The following ANO4 variants were observed in gnomAD, a reference collection of about 807,000 sequenced individuals.
ANO4 encodes anoctamin-4.
In ANO4, 69 loss-of-function variants were observed where a neutral mutation model predicts 141.9. That is an observed-to-expected ratio of 0.49 (90% CI 0.40 to 0.59). ANO4 has a LOEUF of 0.59. Ranked by LOEUF, ANO4 falls within the 20% of genes least tolerant of loss-of-function variation. ANO4 has a pLI of 0.00. For missense variants in ANO4, 894 were observed against 1,162.2 expected (o/e 0.77, Z 3.36); for synonymous variants, 350 against 394.3 (o/e 0.89, Z 1.33).
At position 101,099,733 on chromosome 12, in the gene ANO4, T is replaced by C; in HGVS notation, c.2149+13T>C. The C allele has an allele frequency of 6.5e-7, 1 of 1,530,306 alleles. No individual in the cohort carries two copies. The highest frequency in any genetic ancestry group is 8.7e-7 in the Non-Finnish European group (1 of 1,145,860). 94.8% of individuals were successfully genotyped at this position (1,530,306 alleles called of 1,614,324 possible). ...TACTTAGAAATGAGTATGGAAATAT[T>C]CTACTTTATCTTATTAATTATAAAT... On this transcript the variant is annotated intron_variant, in intron 22 of 27. Transcript: ENST00000392977.
chr12:101,092,503 C>T (rs1321062374), intron 17 of ANO4, among the ~76,000 whole-genome samples: 1 of 152,148 alleles, frequency 6.6e-6, no homozygotes, highest in East Asian at 1.9e-4. Context: ...CCAGAAACCA[C>T]TCATGTGGAG....
chr12:101,104,849 C>T (rs1455181786), intron 22 of ANO4, among the ~76,000 whole-genome samples: 1 of 151,526 alleles, frequency 6.6e-6, no homozygotes, highest in African/African-American at 2.4e-5. Flanking sequence ...CTCTTATCTA[C>T]TAGTTACATA....
chr12:100,795,697 A>AGAGT (rs2034264700), intron 1 of ANO4, among the ~76,000 whole-genome samples: 1 of 152,136 alleles, frequency 6.6e-6, no homozygotes, highest in South Asian at 2.1e-4. Context: ...GGCTCTTCAG[A>AGAGT]GAGTGGTAGG....
chr12:100,901,698 G>A lies in ANO4; in HGVS notation c.-88G>A. On this transcript the variant is annotated 5_prime_UTR_variant, in exon 2 of 28. Coordinates refer to ENST00000392977, the MANE Select transcript of ANO4 (RefSeq NM_001286615.2). The stretch of plus-strand genomic sequence containing the variant: ...AAAAGCGTTTGCAAATCCATCAACG[G>A]CGAAGTGTGGCAAGCCGCCCAGCGT... The A allele has an allele frequency of 8.5e-7, 1 of 1,170,126 alleles. No individual in the cohort carries two copies. 72.5% of individuals were successfully genotyped at this position (1,170,126 alleles called of 1,614,324 possible). A position where few individuals can be genotyped will look rare whatever the true frequency, so the allele number is the denominator to read the frequency against.
At chr12:100,998,304 C>T (rs1243058900) in intron 8 of ANO4, among the ~76,000 whole-genome samples, 1 of 152,170 alleles carries the variant, frequency 6.6e-6, no homozygotes, top group Non-Finnish European at 1.5e-5. Context: ...GACTGGCTCT[C>T]CTTGCTCCTC....
intron 3 of ANO4, among the ~76,000 whole-genome samples, chr12:100,777,434 C>T (rs1450962201): frequency 6.6e-6 from 1 of 151,610 alleles, no homozygotes; most frequent in Non-Finnish European, 1.5e-5. Flanking sequence ...ATCCTGATTT[C>T]TATGCCTTTT....
At chr12:100,970,830 C>T (rs532971785) in intron 5 of ANO4, among the ~76,000 whole-genome samples, 3 of 152,018 alleles carry the variant, frequency 2.0e-5, no homozygotes, top group Middle Eastern at 3.4e-3. Context: ...GCGATTCTCC[C>T]GCCTCAGCCT....
rs180991956 is a variant in ANO4 at position 101,069,164 on chromosome 12, C to T, written c.1313-10029C>T. 2.0e-5 allele frequency: 27 copies of T among 1,328,862 alleles called. No homozygotes were observed. The African/African-American group carries it at 3.0e-4, about 15-fold the overall frequency. The allele number at this position is 1,328,862 out of a possible 1,614,324, so 82.3% of individuals were successfully genotyped here. A position where few individuals can be genotyped will look rare whatever the true frequency, so the allele number is the denominator to read the frequency against. On this transcript the variant is annotated intron_variant, in intron 14 of 27. Coordinates refer to ENST00000392977, the MANE Select transcript of ANO4 (RefSeq NM_001286615.2). ...AAAGAATCTAATTGAAATGTCTGAA[C>T]TGGAAATAAAACATGCGAGGAACAG... is the stretch of plus-strand genomic sequence containing the variant.
chr12:100,876,031 C>G (rs988286326), intron 1 of ANO4, among the ~76,000 whole-genome samples: 1 of 152,154 alleles, frequency 6.6e-6, no homozygotes, highest in Non-Finnish European at 1.5e-5. Flanking sequence ...TCCCACAGGG[C>G]TCTCCTACAT....
At chr12:101,079,130 A>T in intron 14 of ANO4, 63 bp from the exon 15 acceptor site, 1 of 1,386,194 alleles carries the variant, frequency 7.2e-7, no homozygotes, top group Non-Finnish European at 1.0e-6. Flanking sequence ...ATTCAGTGAC[A>T]CAGTTAAGAG....
chr12:100,911,131 C>A (rs2041082086), intron 2 of ANO4, among the ~76,000 whole-genome samples: 1 of 152,136 alleles, frequency 6.6e-6, no homozygotes, highest in Non-Finnish European at 1.5e-5. Context: ...TATTCCCAAC[C>A]TCAAAAACTG....
At chr12:100,761,590 A>G (rs2032859678) in intron 3 of ANO4, among the ~76,000 whole-genome samples, 1 of 152,158 alleles carries the variant, frequency 6.6e-6, no homozygotes. Context: ...CAGGGATTTT[A>G]TTGGCCGTGT....
At chr12:100,763,134 CT>C (rs2032945829) in intron 3 of ANO4, among the ~76,000 whole-genome samples, 1 of 152,132 alleles carries the variant, frequency 6.6e-6, no homozygotes, top group African/African-American at 2.4e-5. Context: ...CTTGGCTTGC[CT>C]TTAGAATTCT....
chr12:100,728,124 T>C (rs1379345636), intron 1 of ANO4, among the ~76,000 whole-genome samples: 1 of 152,210 alleles, frequency 6.6e-6, no homozygotes, highest in African/African-American at 2.4e-5. Context: ...TGCCCACATA[T>C]TTACAAGAAT....
intron 1 of ANO4, chr12:100,859,264 C>T (rs957098058): frequency 6.6e-6 from 1 of 152,158 alleles, no homozygotes; most frequent in African/African-American, 2.4e-5. Context: ...ACAGGTGTCA[C>T]TTCTGAGAAG....
chr12:100,872,203 C>A (rs1363252081), intron 1 of ANO4, among the ~76,000 whole-genome samples: 1 of 152,142 alleles, frequency 6.6e-6, no homozygotes, highest in East Asian at 1.9e-4. Context: ...CTTTGAGAAT[C>A]CAAGAAGACT....
At chr12:101,028,074 G>C (rs1370225320) in intron 9 of ANO4, among the ~76,000 whole-genome samples, 1 of 152,068 alleles carries the variant, frequency 6.6e-6, no homozygotes, top group African/African-American at 2.4e-5. Flanking sequence ...AACCACAGCA[G>C]CCCTACAGAG....
At chr12:101,002,714 G>A (rs948067888) in intron 8 of ANO4, among the ~76,000 whole-genome samples, 58 of 152,126 alleles carry the variant, frequency 3.8e-4, no homozygotes, top group African/African-American at 1.3e-3. Flanking sequence ...GGGCCCATTA[G>A]CCTCTGTAAA....
chr12:100,792,226 C>T (rs1294613410), upstream of ANO4, among the ~76,000 whole-genome samples: 2 of 152,088 alleles, frequency 1.3e-5, no homozygotes, highest in Non-Finnish European at 2.9e-5. Flanking sequence ...GCTCTGTCAA[C>T]AAGCTTCTGT....
Sources: allele counts gnomAD v4.1 joint callset (sites outside exome capture counted in the v4.1 genomes callset), GRCh38; gene constraint gnomAD v4.1.1; transcripts MANE v1.5; gene names NCBI Gene and HGNC (gene_info 2026-07-23, HGNC 2026-07-21).